OR11A1: variants seen among roughly 807,000 people sequenced by gnomAD.
OR11A1 encodes olfactory receptor 11A1.
For synonymous variants in OR11A1, 158 were observed against 152.2 expected, an observed-to-expected ratio of 1.04 and a Z score of -0.28; for missense variants, 380 against 378.2, an observed-to-expected ratio of 1.00 and a Z score of -0.04.
At chr6:29,430,863 A>G (rs1248928028) in intron 2 of OR11A1, among the ~76,000 whole-genome samples, 1 of 152,232 alleles carries the variant, frequency 6.6e-6, no homozygotes, top group Non-Finnish European at 1.5e-5. Context: ...AGTAGGATAT[A>G]TGAGAGGCTG....
At chr6:29,443,941 G>T (rs1784461298) in intron 1 of OR11A1, among the ~76,000 whole-genome samples, 1 of 151,402 alleles carries the variant, frequency 6.6e-6, no homozygotes, top group Non-Finnish European at 1.5e-5. Flanking sequence ...TAGTCTTTCT[G>T]GAGCAAGACT....
chr6:29,442,727 G>A (rs1213318863), intron 1 of OR11A1, among the ~76,000 whole-genome samples: 1 of 152,240 alleles, frequency 6.6e-6, no homozygotes, highest in East Asian at 1.9e-4. Context: ...TTTTATCAAT[G>A]TGGAAAACCT....
At chr6:29,440,679 G>C (rs745413870) in intron 1 of OR11A1, 3 of 1,614,116 alleles carry the variant, frequency 1.9e-6, no homozygotes, top group Admixed American at 3.3e-5. Context: ...GCGTATCCTC[G>C]TTACCATCTT....
chr6:29,442,153 G>C (rs1231281874), intron 1 of OR11A1, among the ~76,000 whole-genome samples: 1 of 152,188 alleles, frequency 6.6e-6, no homozygotes, highest in Non-Finnish European at 1.5e-5. Context: ...TTGCTGGGAA[G>C]AGAAGGGTAT....
At chr6:29,433,323 A>G (rs1290138824) in intron 1 of OR11A1, among the ~76,000 whole-genome samples, 1 of 152,128 alleles carries the variant, frequency 6.6e-6, no homozygotes, top group Non-Finnish European at 1.5e-5. Context: ...TTTGACCAAT[A>G]TCTTCTCAAT....
chr6:29,437,567 T>C (rs1783735376), intron 1 of OR11A1, among the ~76,000 whole-genome samples: 1 of 142,278 alleles, frequency 7.0e-6, no homozygotes, highest in Non-Finnish European at 1.5e-5. Flanking sequence ...TTGCCATGGC[T>C]TTTGGTCTTC....
At chr6:29,431,113 C>T (rs1783196735) in intron 2 of OR11A1, among the ~76,000 whole-genome samples, 1 of 152,078 alleles carries the variant, frequency 6.6e-6, no homozygotes, top group African/African-American at 2.4e-5. Context: ...AAAACCATAA[C>T]CCTCATTCAA....
chr6:29,435,491 T>A (rs1284494710), intron 1 of OR11A1, among the ~76,000 whole-genome samples: 1 of 152,162 alleles, frequency 6.6e-6, no homozygotes, highest in Non-Finnish European at 1.5e-5. Flanking sequence ...AAATATTTCA[T>A]AAGCTCGAGC....
intron 1 of OR11A1, among the ~76,000 whole-genome samples, chr6:29,444,596 T>A (rs1164731187): frequency 1.3e-5 from 2 of 152,236 alleles, no homozygotes; most frequent in Non-Finnish European, 2.9e-5. Context: ...TTATAGCTGA[T>A]ACTCTCACAA....
intron 2 of OR11A1, among the ~76,000 whole-genome samples, chr6:29,431,141 C>T (rs1014693744): frequency 2.0e-5 from 3 of 152,048 alleles, no homozygotes; most frequent in Non-Finnish European, 4.4e-5. Context: ...TCTGAGATAG[C>T]ATAGAGTCCT....
chr6:29,428,583 G>A (rs1298545935), intron 4 of OR11A1: 4 of 166,738 alleles, frequency 2.4e-5, no homozygotes, highest in African/African-American at 4.8e-5. Context: ...GTGAAACTCC[G>A]TCTCTACTAA....
chr6:29,440,778 C>A (rs17177674), intron 1 of OR11A1: 37,036 of 1,613,836 alleles, frequency 0.023, 1,172 homozygotes, highest in African/African-American at 0.12. Context: ...TGGCACCGCA[C>A]TCTTTATCTA....
In OR11A1 at chr6:29,426,757, G is replaced by C. The variant is rs1410464703; in HGVS notation, c.885C>G (p.Asn295Lys). ...LFNPVIYTMR[N>K]KEVHQALRKI... ...TCCGAAGTGCCTGATGCACCTCCTT[G>C]TTCCTCATGGTATAGATCACAGGAT... Residue 295 changes from asparagine (N) to lysine (K), a missense_variant, in exon 5 of 5, where the codon AAC becomes AAG. By Grantham distance (94) the Asn-to-Lys change is moderately conservative. Coordinates refer to ENST00000377149, the MANE Select transcript of OR11A1 (RefSeq NM_001394828.1). The C allele has an allele frequency of 6.2e-7, 1 of 1,613,048 alleles. No homozygotes were observed. The highest frequency in any genetic ancestry group is 1.1e-5 in the South Asian group (1 of 91,074).
chr6:29,428,438 G>A (rs1045700714), intron 4 of OR11A1: 7 of 981,892 alleles, frequency 7.1e-6, no homozygotes, highest in Non-Finnish European at 8.5e-6. Flanking sequence ...AAGCAAGTAG[G>A]CTAAGTTTTG....
At position 29,430,331 on chromosome 6, in the gene OR11A1, T is replaced by G; in HGVS notation, c.-170A>C. ...GATCCCATCTGCATTTCCTTGTGAG[T>G]GAATCTGGCACTCCCTATGTGGGCC... is the stretch of plus-strand genomic sequence containing the variant. On this transcript the variant is annotated 5_prime_UTR_variant, in exon 3 of 5. Transcript: ENST00000377149. The G allele has an allele frequency of 1.0e-6, 1 of 985,444 alleles. No homozygotes were observed. Among genetic ancestry groups the G allele is most frequent in the Non-Finnish European group, 1.2e-6 (1 of 829,936 alleles). The allele number at this position is 985,444 out of a possible 1,614,324, so 61.0% of individuals were successfully genotyped here. A position where few individuals can be genotyped will look rare whatever the true frequency, so the allele number is the denominator to read the frequency against.
chr6:29,444,685 C>T (rs73398988), intron 1 of OR11A1, among the ~76,000 whole-genome samples: 7,710 of 152,232 alleles, frequency 0.051, 377 homozygotes, highest in African/African-American at 0.12. Context: ...TACATTAATC[C>T]TGGGCAATAT....
intron 3 of OR11A1, 122 bp from the exon 4 acceptor site, chr6:29,429,082 T>G: frequency 8.5e-5 from 14 of 163,990 alleles, no homozygotes; most frequent in Non-Finnish European, 1.6e-4. Context: ...CTTTCTAGAA[T>G]ATGGGATTAA....
At chr6:29,444,800 AC>A (rs918076621) in intron 1 of OR11A1, among the ~76,000 whole-genome samples, 1 of 151,996 alleles carries the variant, frequency 6.6e-6, no homozygotes, top group African/African-American at 2.4e-5. Flanking sequence ...ACCTTCCTGA[AC>A]CTCACATCTC....
chr6:29,431,944 G>A lies in OR11A1; in HGVS notation c.-345C>T, dbSNP rs1480567331. 4.1e-6 allele frequency: 4 copies of A among 985,236 alleles called. No homozygotes were observed. The highest frequency in any genetic ancestry group is 3.6e-6 in the Non-Finnish European group (3 of 829,862). The allele number at this position is 985,236 out of a possible 1,614,324, so 61.0% of individuals were successfully genotyped here. ...TAAGATTTGCTGAAGACTTCAGAAT[G>A]TTGGAATTTCCTACCTTCAGCTCCC... On this transcript the variant is annotated 5_prime_UTR_variant, in exon 2 of 5. Coordinates refer to ENST00000377149, the MANE Select transcript of OR11A1 (RefSeq NM_001394828.1).
Sources: gnomAD v4.1 joint callset for allele counts (sites outside exome capture counted in the v4.1 genomes callset) on GRCh38, gnomAD v4.1.1 for gene constraint, MANE v1.5 for transcripts, NCBI Gene and HGNC (gene_info 2026-07-23, HGNC 2026-07-21) for gene names.